Variants in GABRR1 observed in about 807,000 individuals in gnomAD.
The protein encoded by GABRR1 is gamma-aminobutyric acid receptor subunit rho-1.
GABRR1 carries 59 observed loss-of-function variants against 55.5 expected under a neutral mutation model. The observed-to-expected ratio is 1.06, with a 90% confidence interval of 0.86 to 1.32. The LOEUF is 1.32. GABRR1 is among the 40% of genes most tolerant of loss of function. The pLI, the probability that GABRR1 is intolerant of heterozygous loss-of-function variation, is 0.00. For synonymous variants in GABRR1, 213 were observed against 226.0 expected, an observed-to-expected ratio of 0.94 and a Z score of 0.51; for missense variants, 602 against 619.1, an observed-to-expected ratio of 0.97 and a Z score of 0.29.
intron 1 of GABRR1, among the ~76,000 whole-genome samples, chr6:89,229,199 G>C (rs1358288112): frequency 6.6e-6 from 1 of 151,678 alleles, no homozygotes; most frequent in African/African-American, 2.4e-5. Flanking sequence ...ACACTGATGG[G>C]TCTTGACTCT....
chr6:89,231,000 T>C (rs1773279133), intron 1 of GABRR1, among the ~76,000 whole-genome samples: 2 of 152,044 alleles, frequency 1.3e-5, no homozygotes, highest in Non-Finnish European at 1.5e-5. Context: ...AAAAGCGCAA[T>C]ATTCGGGTGG....
At chr6:89,189,664 A>C (rs932969237) in intron 6 of GABRR1, among the ~76,000 whole-genome samples, 2 of 138,684 alleles carry the variant, frequency 1.4e-5, no homozygotes, top group Non-Finnish European at 3.0e-5. Context: ...AGTATAATTA[A>C]AAAAAAAAAA....
intron 1 of GABRR1, 78 bp downstream of exon 1, chr6:89,217,123 C>T (rs1773009889): frequency 6.7e-7 from 1 of 1,489,334 alleles, no homozygotes; most frequent in South Asian, 1.3e-5. Flanking sequence ...AAATGATGCT[C>T]AGTTTCTAGA....
intron 9 of GABRR1, 77 bp downstream of exon 9, chr6:89,180,215 G>T (rs1012359818): frequency 1.3e-6 from 2 of 1,498,670 alleles, no homozygotes; most frequent in African/African-American, 2.8e-5. Flanking sequence ...TTACAGAGAA[G>T]GTCTGCCCTG....
chr6:89,187,206 GGGGTGTGTGTGTGT>G (rs1246754677), intron 6 of GABRR1, among the ~76,000 whole-genome samples: 9 of 133,094 alleles, frequency 6.8e-5, no homozygotes, highest in Non-Finnish European at 1.2e-4. Context: ...TGGTTTCTGG[GGGGTGTGTGTGTGT>G]GTGTGTGTGT....
At chr6:89,217,154 T>C in intron 1 of GABRR1, 47 bp downstream of exon 1, 1 of 1,600,438 alleles carries the variant, frequency 6.2e-7, no homozygotes, top group Non-Finnish European at 8.5e-7. Flanking sequence ...AAGCTCACTT[T>C]GTGCATCCTC....
intron 5 of GABRR1, among the ~76,000 whole-genome samples, chr6:89,193,651 A>C (rs1293011980): frequency 1.3e-5 from 2 of 152,236 alleles, no homozygotes; most frequent in African/African-American, 4.8e-5. Context: ...GTTGTTAAAC[A>C]CAGTCACTAT....
chr6:89,201,305 A>G (rs1772464798), intron 2 of GABRR1, 40 bp from the exon 3 acceptor site: 1 of 1,341,700 alleles, frequency 7.5e-7, no homozygotes, highest in African/African-American at 1.4e-5. Context: ...ATATATTCCA[A>G]CCAAGACAAA....
intron 1 of GABRR1, among the ~76,000 whole-genome samples, chr6:89,208,083 C>T (rs1772707526): frequency 6.6e-6 from 1 of 152,230 alleles, no homozygotes; most frequent in Admixed American, 6.5e-5. Flanking sequence ...CTGCTCTAGT[C>T]CTGTTGGCTG....
intron 1 of GABRR1, among the ~76,000 whole-genome samples, chr6:89,223,619 T>C (rs1773146490): frequency 6.6e-6 from 1 of 152,188 alleles, no homozygotes; most frequent in African/African-American, 2.4e-5. Context: ...CTCTAAGGAA[T>C]CTCCACACTG....
chr6:89,220,697 A>G (rs780537003), upstream of GABRR1, among the ~76,000 whole-genome samples: 5 of 152,130 alleles, frequency 3.3e-5, no homozygotes, highest in Admixed American at 6.6e-5. Context: ...TTACTGAACT[A>G]TAACACTTCC....
At chr6:89,181,008 T>C (rs964995102) in intron 8 of GABRR1, among the ~76,000 whole-genome samples, 25 of 152,242 alleles carry the variant, frequency 1.6e-4, no homozygotes, top group African/African-American at 6.0e-4. Flanking sequence ...CATTCAGCAT[T>C]GTCCACTTGA....
intron 1 of GABRR1, among the ~76,000 whole-genome samples, chr6:89,224,927 C>A (rs1450787265): frequency 6.6e-6 from 1 of 152,122 alleles, no homozygotes; most frequent in African/African-American, 2.4e-5. Flanking sequence ...GGATTACAGG[C>A]ACCCAACACC....
intron 1 of GABRR1, among the ~76,000 whole-genome samples, chr6:89,231,005 G>A (rs138560801): frequency 0.085 from 12,886 of 151,576 alleles, 546 homozygotes; most frequent in Middle Eastern, 0.14. Context: ...CGCAATATTC[G>A]GGTGGGAGTG....
intron 7 of GABRR1, among the ~76,000 whole-genome samples, chr6:89,184,259 A>AT (rs1355918378): frequency 1.4e-4 from 21 of 150,652 alleles, no homozygotes; most frequent in Non-Finnish European, 2.7e-4. Context: ...AAAAAAAAAA[A>AT]AAAAAAAATT....
At position 89,197,960 on chromosome 6, in the gene GABRR1, T is replaced by C. The variant is rs1405732979; in HGVS notation, c.572+60A>G. 4.7e-6 allele frequency: 7 copies of C among 1,486,844 alleles called. No individual in the cohort carries two copies. In the Middle Eastern group the frequency reaches 8.5e-4, roughly 180 times the overall value. 92.1% of individuals were successfully genotyped at this position (1,486,844 alleles called of 1,614,324 possible). Reference sequence around the variant, plus strand: ...AGACATTCAGAGCCAAAAACCCAAATTGCTGTTGTGAAACCAATGCTTTTC... The same window carrying C: ...AGACATTCAGAGCCAAAAACCCAAACTGCTGTTGTGAAACCAATGCTTTTC... On this transcript the variant is annotated intron_variant, in intron 5 of 9. Coordinates refer to ENST00000454853, the MANE Select transcript of GABRR1 (RefSeq NM_002042.5).
At position 89,212,154 on chromosome 6, in the gene GABRR1, T is replaced by A; in HGVS notation, c.122+5047A>T. ...TGCTCTCCTTCCTGGCATCACCATC[T>A]ACTCAGTCGTACAATCCAAAGACCT... On this transcript the variant is annotated intron_variant, in intron 1 of 9. Coordinates refer to ENST00000454853, the MANE Select transcript of GABRR1 (RefSeq NM_002042.5). 3.1e-6 allele frequency: 2 copies of A among 650,828 alleles called. 1 individual carries two copies. The highest frequency in any genetic ancestry group is 3.7e-6 in the Non-Finnish European group (2 of 547,778). 40.3% of individuals were successfully genotyped at this position (650,828 alleles called of 1,614,324 possible).
rs947000792 is a variant in GABRR1 at position 89,212,142 on chromosome 6, G to A, written c.122+5059C>T. ...TAATCCTCCACCTGCTCTCCTTCCT[G>A]GCATCACCATCTACTCAGTCGTACA... On this transcript the variant is annotated intron_variant, in intron 1 of 9. Coordinates refer to ENST00000454853, the MANE Select transcript of GABRR1 (RefSeq NM_002042.5). 12 of 625,682 alleles carry A rather than the reference G, an allele frequency of 1.9e-5. 3 individuals are homozygous for A. In the African/African-American group the frequency reaches 3.7e-4, roughly 19 times the overall value. 38.8% of individuals were successfully genotyped at this position (625,682 alleles called of 1,614,324 possible). A position where few individuals can be genotyped will look rare whatever the true frequency, so the allele number is the denominator to read the frequency against.
chr6:89,204,512 C>T (rs967057817), intron 1 of GABRR1: 1 of 517,182 alleles, frequency 1.9e-6, no homozygotes, highest in African/African-American at 2.0e-5. Context: ...AAGGAATCAG[C>T]CCCCTACATG....
Sources: gnomAD v4.1 joint callset for allele counts (sites outside exome capture counted in the v4.1 genomes callset) on GRCh38, gnomAD v4.1.1 for gene constraint, MANE v1.5 for transcripts, NCBI Gene and HGNC (gene_info 2026-07-23, HGNC 2026-07-21) for gene names.